TYW1B: variants seen among roughly 807,000 people sequenced by gnomAD.
TYW1B encodes tRNA-yW synthesizing protein 1 homolog B.
TYW1B carries 73 observed loss-of-function variants against 86.9 expected under a neutral mutation model. The observed-to-expected ratio is 0.84, with a 90% CI of 0.70 to 1.02. The LOEUF (loss-of-function observed/expected upper bound fraction) is 1.02, where lower values mean the gene tolerates loss of function less well. Ranked by LOEUF, TYW1B falls within the 50% of genes least tolerant of loss-of-function variation. The pLI, the probability that TYW1B is intolerant of heterozygous loss-of-function variation, is 0.00. For synonymous variants in TYW1B, 248 were observed against 292.8 expected, an observed-to-expected ratio of 0.85 and a Z score of 1.56; for missense variants, 637 against 827.4, an observed-to-expected ratio of 0.77 and a Z score of 2.82.
chr7:72,576,713 C>T (rs1237249671), intron 13 of TYW1B, among the ~76,000 whole-genome samples: 1 of 151,990 alleles, frequency 6.6e-6, no homozygotes, highest in Admixed American at 6.5e-5. Context: ...GGGGTTTCAC[C>T]GTGTTAGCCA....
chr7:72,658,481 T>C (rs1813257933), intron 11 of TYW1B, among the ~76,000 whole-genome samples: 1 of 152,202 alleles, frequency 6.6e-6, no homozygotes, highest in Admixed American at 6.5e-5. Context: ...TCAATAAAGA[T>C]GGTTTCTAAA....
chr7:72,758,236 C>G (rs959458173), intron 7 of TYW1B, among the ~76,000 whole-genome samples: 1 of 151,900 alleles, frequency 6.6e-6, no homozygotes, highest in Non-Finnish European at 1.5e-5. Flanking sequence ...AACAAAAAAG[C>G]TGGGTGTAGT....
At chr7:72,782,345 C>T (rs1350592517) in intron 6 of TYW1B, among the ~76,000 whole-genome samples, 1 of 151,996 alleles carries the variant, frequency 6.6e-6, no homozygotes, top group African/African-American at 2.4e-5. Flanking sequence ...ATTTTGATAC[C>T]ATCATCCCAG....
At chr7:72,579,926 T>G (rs1351387082) in intron 13 of TYW1B, among the ~76,000 whole-genome samples, 1 of 152,222 alleles carries the variant, frequency 6.6e-6, no homozygotes, top group Non-Finnish European at 1.5e-5. Context: ...GCTAGGATCA[T>G]AGGCATGAGC....
At chr7:72,576,776 T>A (rs1811032285) in intron 13 of TYW1B, among the ~76,000 whole-genome samples, 1 of 151,840 alleles carries the variant, frequency 6.6e-6, no homozygotes, top group Non-Finnish European at 1.5e-5. Flanking sequence ...CCTCCCAAAG[T>A]GCTGGGATTA....
chr7:72,770,945 T>C (rs181227572), intron 7 of TYW1B, among the ~76,000 whole-genome samples: 4 of 144,158 alleles, frequency 2.8e-5, no homozygotes, highest in African/African-American at 1.0e-4. Context: ...TCCACTCATA[T>C]GAATTTCCTT....
chr7:72,755,010 T>C (rs891519065), intron 7 of TYW1B, among the ~76,000 whole-genome samples: 2 of 152,178 alleles, frequency 1.3e-5, no homozygotes. Flanking sequence ...AGTCTGATAT[T>C]ACTGAAAATC....
At chr7:72,789,696 C>G (rs1482656589) in intron 6 of TYW1B, among the ~76,000 whole-genome samples, 1 of 151,768 alleles carries the variant, frequency 6.6e-6, no homozygotes, top group Non-Finnish European at 1.5e-5. Flanking sequence ...AGGCTGGTCT[C>G]AAATTCCCGG....
chr7:72,719,232 C>T (rs1441347047), intron 9 of TYW1B, among the ~76,000 whole-genome samples: 3 of 152,076 alleles, frequency 2.0e-5, no homozygotes, highest in African/African-American at 7.2e-5. Context: ...ACTGCAGCCT[C>T]AATCTCCTGG....
At chr7:72,825,368 AAGTT>A (rs1788911400) in intron 2 of TYW1B, among the ~76,000 whole-genome samples, 1 of 152,100 alleles carries the variant, frequency 6.6e-6, no homozygotes, top group Non-Finnish European at 1.5e-5. Context: ...AAATCAAAAC[AAGTT>A]TCATTACATA....
chr7:72,823,705 G>C (rs1586012957), intron 2 of TYW1B, among the ~76,000 whole-genome samples: 1 of 151,466 alleles, frequency 6.6e-6, no homozygotes, highest in Admixed American at 6.6e-5. Flanking sequence ...ATGGAAGATG[G>C]CTATCTACCC....
chr7:72,758,744 T>C (rs182098023), intron 7 of TYW1B, among the ~76,000 whole-genome samples: 9 of 152,292 alleles, frequency 5.9e-5, no homozygotes, highest in Admixed American at 2.6e-4. Flanking sequence ...CTTGGGATGA[T>C]AGACTTTTTA....
chr7:72,602,625 T>C (rs567447528), intron 13 of TYW1B, among the ~76,000 whole-genome samples: 1 of 152,170 alleles, frequency 6.6e-6, no homozygotes, highest in South Asian at 2.1e-4. Context: ...GATAAACCCA[T>C]AATAATTCAA....
chr7:72,825,610 G>A (rs1471921185), intron 2 of TYW1B, among the ~76,000 whole-genome samples: 2 of 152,102 alleles, frequency 1.3e-5, no homozygotes, highest in Non-Finnish European at 2.9e-5. Flanking sequence ...AGGTGGAGGT[G>A]GAGGTTGCAG....
At chr7:72,755,441 A>G (rs34429504) in intron 7 of TYW1B, among the ~76,000 whole-genome samples, 104,852 of 151,952 alleles carry the variant, frequency 0.69, 37,149 homozygotes, top group Non-Finnish European at 0.77. Flanking sequence ...TTTGGGAGGC[A>G]AAGGTGGGCA....
intron 10 of TYW1B, among the ~76,000 whole-genome samples, chr7:72,700,283 T>A (rs1352292851): frequency 2.8e-5 from 4 of 145,098 alleles, no homozygotes; most frequent in Non-Finnish European, 4.5e-5. Context: ...CAACCGATTC[T>A]CCTGCCTCAG....
At chr7:72,728,227 T>C (rs1554459113) in intron 9 of TYW1B, among the ~76,000 whole-genome samples, 1 of 152,220 alleles carries the variant, frequency 6.6e-6, no homozygotes, top group African/African-American at 2.4e-5. Context: ...ATAGCAAAGG[T>C]TTCTAGGAAG....
intron 11 of TYW1B, among the ~76,000 whole-genome samples, chr7:72,656,682 C>G (rs1340312066): frequency 6.6e-6 from 1 of 152,046 alleles, no homozygotes; most frequent in Non-Finnish European, 1.5e-5. Flanking sequence ...AATTAGCTCA[C>G]AGTTTTGCAG....
chr7:72,725,400 C>T (rs1345725764), intron 9 of TYW1B, among the ~76,000 whole-genome samples: 11 of 152,242 alleles, frequency 7.2e-5, no homozygotes, highest in African/African-American at 2.6e-4. Flanking sequence ...CCTCAGTCAT[C>T]GTCCCATTAG....
Sources: gnomAD v4.1 joint callset for allele counts (sites outside exome capture counted in the v4.1 genomes callset) on GRCh38, gnomAD v4.1.1 for gene constraint, MANE v1.5 for transcripts, NCBI Gene and HGNC (gene_info 2026-07-23, HGNC 2026-07-21) for gene names.